SCUBE1: variants seen among roughly 807,000 people sequenced by gnomAD.
SCUBE1 encodes the protein signal peptide, CUB domain and EGF like domain containing 1, also known as signal peptide, CUB and EGF-like domain-containing protein 1.
Under a neutral mutation model 124.4 loss-of-function variants are expected in SCUBE1, and 59 were observed. The ratio of observed to expected loss-of-function variants is 0.47; its 90% CI spans 0.38 to 0.59. SCUBE1 has a LOEUF of 0.59. Ranked by LOEUF, SCUBE1 falls within the 20% of genes least tolerant of loss-of-function variation. SCUBE1 has a pLI of 0.00. For synonymous variants in SCUBE1, 545 were observed against 550.9 expected (o/e 0.99, Z 0.15); for missense variants, 1,150 against 1,371.2 (o/e 0.84, Z 2.55).
At chr22:43,274,846 G>C (rs1163846829) in intron 4 of SCUBE1, among the ~76,000 whole-genome samples, 1 of 152,204 alleles carries the variant, frequency 6.6e-6, no homozygotes, top group Non-Finnish European at 1.5e-5. Context: ...CTCTCCCTCA[G>C]CTGTGCATGA....
intron 3 of SCUBE1, among the ~76,000 whole-genome samples, chr22:43,298,473 C>T (rs1185256514): frequency 6.6e-6 from 1 of 152,216 alleles, no homozygotes; most frequent in African/African-American, 2.4e-5. Context: ...CCAGCAAGCT[C>T]ACTGCTCACG....
At chr22:43,302,117 C>G (rs1466127623) in intron 3 of SCUBE1, among the ~76,000 whole-genome samples, 1 of 152,244 alleles carries the variant, frequency 6.6e-6, no homozygotes, top group East Asian at 1.9e-4. Flanking sequence ...AAGAGCTGTG[C>G]TCATCTGCCG....
chr22:43,280,731 T>TTCCTCCTCGGCCACCCTCCTGTCACC (rs1924772252), intron 4 of SCUBE1, among the ~76,000 whole-genome samples: 1 of 72,526 alleles, frequency 1.4e-5, no homozygotes, highest in Admixed American at 1.8e-4. Context: ...TCCTGTCACC[T>TTCCTCCTCGGCCACCCTCCTGTCACC]TCCTCCTCGG....
intron 17 of SCUBE1, 22 bp downstream of exon 17, chr22:43,212,403 G>T (rs368912826): frequency 6.5e-7 from 1 of 1,547,878 alleles, no homozygotes; most frequent in Non-Finnish European, 8.7e-7. Flanking sequence ...GTGGGCGGGC[G>T]TGGTGGGGAG....
chr22:43,238,752 A>C (rs750162993), intron 7 of SCUBE1, 86 bp downstream of exon 7: 1 of 1,117,894 alleles, frequency 8.9e-7, no homozygotes, highest in Non-Finnish European at 1.4e-6. Context: ...CGTTCAGCCC[A>C]GCCCTGGGCC....
At chr22:43,281,433 CCTTGGCCACCCTCCTGTCATCT>C (rs1478003139) in intron 4 of SCUBE1, among the ~76,000 whole-genome samples, 3 of 97,232 alleles carry the variant, frequency 3.1e-5, no homozygotes, top group South Asian at 3.8e-4. Flanking sequence ...CTGTCACCTC[CCTTGGCCACCCTCCTGTCATCT>C]CCCTCAGCCA....
intron 2 of SCUBE1, among the ~76,000 whole-genome samples, chr22:43,337,359 G>C (rs995345206): frequency 7.2e-5 from 11 of 152,210 alleles, no homozygotes; most frequent in African/African-American, 2.7e-4. Context: ...GAAGAGGCCA[G>C]GTCAGTGGCT....
At chr22:43,319,281 G>A (rs1020788142) in intron 3 of SCUBE1, among the ~76,000 whole-genome samples, 1 of 152,076 alleles carries the variant, frequency 6.6e-6, no homozygotes, top group African/African-American at 2.4e-5. Flanking sequence ...CAGGCGCAGT[G>A]GCTGGCCGGG....
rs974795258 is a variant in SCUBE1, at chr22:43,200,055, C to T, written c.*3942G>A. The T allele has an allele frequency of 2.0e-5, 3 of 152,262 alleles. No homozygotes were observed. The highest frequency in any genetic ancestry group is 7.2e-5 in the African/African-American group (3 of 41,450). 9.4% of individuals were successfully genotyped at this position (152,262 alleles called of 1,614,324 possible). Reference sequence around the variant, plus strand: ...CAGAAAGGTCCCCCCACGCCTGGGTCCCACCTGACTCCTGGGAAGCTGTGC... The same window carrying T: ...CAGAAAGGTCCCCCCACGCCTGGGTTCCACCTGACTCCTGGGAAGCTGTGC... On this transcript the variant is annotated 3_prime_UTR_variant, in exon 22 of 22. Transcript: ENST00000360835.
At chr22:43,298,185 C>T (rs1925634627) in intron 3 of SCUBE1, among the ~76,000 whole-genome samples, 2 of 152,220 alleles carry the variant, frequency 1.3e-5, no homozygotes, top group East Asian at 1.9e-4. Flanking sequence ...GTAAAATACA[C>T]ACGGGTCTTA....
intron 6 of SCUBE1, among the ~76,000 whole-genome samples, chr22:43,249,355 C>T (rs902252841): frequency 7.3e-5 from 11 of 151,670 alleles, no homozygotes; most frequent in Admixed American, 1.3e-4. Context: ...GGGGAGCTAG[C>T]GGGGAGAAGC....
intron 3 of SCUBE1, among the ~76,000 whole-genome samples, chr22:43,313,416 T>C (rs1926237796): frequency 6.6e-6 from 1 of 152,172 alleles, no homozygotes; most frequent in African/African-American, 2.4e-5. Context: ...CTAAGTGAAC[T>C]AATGGCTTTA....
chr22:43,207,646 C>A, intron 20 of SCUBE1, 33 bp from the exon 21 acceptor site: 1 of 1,572,120 alleles, frequency 6.4e-7, no homozygotes, highest in Non-Finnish European at 8.8e-7. Context: ...GAGAGGAAGG[C>A]GAGGGGCTTG....
intron 14 of SCUBE1, among the ~76,000 whole-genome samples, chr22:43,219,763 G>A (rs746987386): frequency 6.6e-6 from 1 of 151,994 alleles, no homozygotes; most frequent in Non-Finnish European, 1.5e-5. Context: ...GCGTGAGCCA[G>A]TGTGCCCAGC....
At chr22:43,217,359 C>G (rs1014841189) in intron 15 of SCUBE1, among the ~76,000 whole-genome samples, 7 of 151,486 alleles carry the variant, frequency 4.6e-5, no homozygotes, top group African/African-American at 7.3e-5. Context: ...TTCCCTCCCC[C>G]CAGCCCACTC....
intron 4 of SCUBE1, among the ~76,000 whole-genome samples, chr22:43,289,811 G>T (rs1393992964): frequency 6.6e-6 from 1 of 152,214 alleles, no homozygotes; most frequent in Non-Finnish European, 1.5e-5. Context: ...GGGAGAGGAG[G>T]AGCTGGATTC....
At chr22:43,323,815 A>G (rs1926637129) in intron 2 of SCUBE1, among the ~76,000 whole-genome samples, 1 of 152,224 alleles carries the variant, frequency 6.6e-6, no homozygotes, top group African/African-American at 2.4e-5. Context: ...AGCTTACAAA[A>G]TACATACAAC....
At chr22:43,247,762 G>A (rs1923274812) in intron 6 of SCUBE1, among the ~76,000 whole-genome samples, 1 of 152,262 alleles carries the variant, frequency 6.6e-6, no homozygotes, top group African/African-American at 2.4e-5. Flanking sequence ...CCAGCGGGCA[G>A]GGTGGCAGAG....
intron 3 of SCUBE1, among the ~76,000 whole-genome samples, chr22:43,304,123 A>C (rs1047055308): frequency 6.6e-6 from 1 of 152,186 alleles, no homozygotes; most frequent in Non-Finnish European, 1.5e-5. Flanking sequence ...TGGGTCAACG[A>C]CTGTGAGCTT....
Sources: allele counts gnomAD v4.1 joint callset (sites outside exome capture counted in the v4.1 genomes callset), GRCh38; gene constraint gnomAD v4.1.1; transcripts MANE v1.5; gene names NCBI Gene and HGNC (gene_info 2026-07-23, HGNC 2026-07-21).